Variants in ANO1 observed in about 807,000 individuals in gnomAD.
The protein encoded by ANO1 is anoctamin-1.
Under a neutral mutation model 124.0 loss-of-function variants are expected in ANO1, and 59 were observed. The observed-to-expected ratio is 0.48, with a 90% confidence interval of 0.39 to 0.59. The LOEUF is 0.59. Ranked by LOEUF, ANO1 falls within the 20% of genes least tolerant of loss-of-function variation. The pLI is 0.00. For synonymous variants in ANO1, 529 were observed against 532.0 expected (o/e 0.99, Z 0.08); for missense variants, 1,059 against 1,328.0 (o/e 0.80, Z 3.15).
chr11:70,019,560 C>T (rs2134994137), intron 1 of ANO1, among the ~76,000 whole-genome samples: 1 of 60,838 alleles, frequency 1.6e-5, no homozygotes, highest in African/African-American at 5.1e-5. Flanking sequence ...TCACCCGAGC[C>T]AATTGTATCT....
chr11:70,038,900 A>G (rs1012652926), intron 1 of ANO1, among the ~76,000 whole-genome samples: 1 of 152,100 alleles, frequency 6.6e-6, no homozygotes, highest in Non-Finnish European at 1.5e-5. Context: ...AGTGTGTATA[A>G]CCTTCGGGAG....
At chr11:70,127,871 C>T (rs1177812444) in intron 10 of ANO1, among the ~76,000 whole-genome samples, 6 of 152,236 alleles carry the variant, frequency 3.9e-5, no homozygotes, top group African/African-American at 1.4e-4. Context: ...GCGTGCAAAT[C>T]GCTCTGCCAG....
intron 1 of ANO1, among the ~76,000 whole-genome samples, chr11:69,994,208 A>C (rs1466126019): frequency 6.6e-6 from 1 of 152,162 alleles, no homozygotes; most frequent in East Asian, 1.9e-4. Context: ...TTGGTCTCAG[A>C]AGACTCCTGG....
intron 1 of ANO1, among the ~76,000 whole-genome samples, chr11:70,032,217 C>A (rs1389286112): frequency 6.6e-6 from 1 of 152,124 alleles, no homozygotes; most frequent in African/African-American, 2.4e-5. Flanking sequence ...GCAGCATGAC[C>A]CCAGATTAGG....
intron 1 of ANO1, among the ~76,000 whole-genome samples, chr11:70,003,901 C>T (rs1163596411): frequency 6.6e-6 from 1 of 152,134 alleles, no homozygotes; most frequent in Non-Finnish European, 1.5e-5. Flanking sequence ...ATATCCTGGC[C>T]CTCAGCTCCT....
At chr11:70,134,003 A>G (rs1017611027) in intron 11 of ANO1, among the ~76,000 whole-genome samples, 1 of 152,186 alleles carries the variant, frequency 6.6e-6, no homozygotes, top group African/African-American at 2.4e-5. Flanking sequence ...GGCAATGGTG[A>G]GAGTTGGAGC....
rs534436377 is a variant in ANO1 at position 70,173,421 on chromosome 11, AT to A, written c.2350+2386del. Among the ~76,000 whole-genome samples, 84 of 152,248 alleles carry A rather than the reference AT, an allele frequency of 5.5e-4. 1 individual carries two copies. The highest frequency in any genetic ancestry group is 4.2e-3 in the South Asian group (20 of 4,816). On this transcript the variant is annotated intron_variant, in intron 22 of 25. Transcript: ENST00000355303. ...ACTCTATACTAAACTGCCCTGTGAGATTTTGTTTAAAAATTTCAAAGGCTTT... is the reference window on the plus strand; with the variant it reads ...ACTCTATACTAAACTGCCCTGTGAGATTTGTTTAAAAATTTCAAAGGCTTT...
intron 1 of ANO1, among the ~76,000 whole-genome samples, chr11:70,040,031 GT>G (rs1161954510): frequency 3.3e-5 from 5 of 152,118 alleles, no homozygotes; most frequent in Admixed American, 2.6e-4. Context: ...CCAAATTAAT[GT>G]CGATCCTGGG....
chr11:70,010,179 G>GTGTGTGTGTATATATATATA, intron 1 of ANO1, among the ~76,000 whole-genome samples: 3 of 83,768 alleles, frequency 3.6e-5, no homozygotes, highest in Non-Finnish European at 7.2e-5. Context: ...GTGTGTGTGT[G>GTGTGTGTGTATATATATATA]TATATATATA....
At chr11:70,163,768 C>A (rs557844157) in intron 19 of ANO1, among the ~76,000 whole-genome samples, 2 of 152,022 alleles carry the variant, frequency 1.3e-5, no homozygotes, top group African/African-American at 2.4e-5. Flanking sequence ...GAAACCCCAT[C>A]TCTACTAAAA....
At chr11:70,070,741 G>A (rs11603997) in intron 1 of ANO1, among the ~76,000 whole-genome samples, 21,194 of 152,224 alleles carry the variant, frequency 0.14, 1,662 homozygotes, top group African/African-American at 0.19. Flanking sequence ...GCCAATGGGC[G>A]AGTGAGCAGG....
At chr11:69,989,229 A>G (rs1247173650) in intron 1 of ANO1, among the ~76,000 whole-genome samples, 5 of 152,172 alleles carry the variant, frequency 3.3e-5, no homozygotes, top group Non-Finnish European at 7.3e-5. Flanking sequence ...GCAGGATTTG[A>G]ACTCCAAGCA....
intron 1 of ANO1, among the ~76,000 whole-genome samples, chr11:70,033,488 T>C (rs1555004034): frequency 6.6e-6 from 1 of 152,188 alleles, no homozygotes; most frequent in African/African-American, 2.4e-5. Context: ...GTCTCTGATA[T>C]CGTGTTGCAC....
chr11:70,074,052 C>T (rs182519358), upstream of ANO1, among the ~76,000 whole-genome samples: 22 of 152,214 alleles, frequency 1.4e-4, no homozygotes, highest in Non-Finnish European at 2.2e-4. Flanking sequence ...ACGTCTTCCC[C>T]GGGGTAATTA....
chr11:70,061,641 G>A (rs1366388368), intron 1 of ANO1, among the ~76,000 whole-genome samples: 1 of 152,078 alleles, frequency 6.6e-6, no homozygotes, highest in African/African-American at 2.4e-5. Flanking sequence ...TAGCAGCTGA[G>A]TTTCTCTGTT....
chr11:70,148,342 G>C (rs1237090366), intron 11 of ANO1, among the ~76,000 whole-genome samples: 2 of 152,036 alleles, frequency 1.3e-5, no homozygotes, highest in Non-Finnish European at 2.9e-5. Context: ...AAATCACACT[G>C]ATACTTCCTC....
intron 1 of ANO1, among the ~76,000 whole-genome samples, chr11:70,052,439 C>T (rs879973086): frequency 6.6e-6 from 1 of 150,712 alleles, no homozygotes; most frequent in Non-Finnish European, 1.5e-5. Context: ...TACACAGACA[C>T]ACACACATAC....
intron 11 of ANO1, among the ~76,000 whole-genome samples, chr11:70,135,957 T>A (rs575698373): frequency 2.0e-4 from 30 of 152,352 alleles, no homozygotes; most frequent in African/African-American, 7.2e-4. Flanking sequence ...CCAGGTCACC[T>A]GTGGGAGTGC....
the ANO1 span, among the ~76,000 whole-genome samples, chr11:69,966,802 C>T: frequency 6.6e-6 from 1 of 152,292 alleles, no homozygotes; most frequent in South Asian, 2.1e-4. Flanking sequence ...CAGTGTCCCA[C>T]CCTGCCCAGT....
Sources: allele counts gnomAD v4.1 joint callset (sites outside exome capture counted in the v4.1 genomes callset), GRCh38; gene constraint gnomAD v4.1.1; transcripts MANE v1.5; gene names NCBI Gene and HGNC (gene_info 2026-07-23, HGNC 2026-07-21).